The following IRF2BP1 variants were observed in gnomAD, a reference collection of about 807,000 sequenced individuals.
IRF2BP1 encodes the protein interferon regulatory factor 2-binding protein 1.
Under a neutral mutation model 38.6 loss-of-function variants are expected in IRF2BP1, and 9 were observed. That is an observed-to-expected ratio of 0.23 (90% CI 0.14 to 0.41). The LOEUF is 0.41. Among genes scored for constraint, IRF2BP1 ranks in the 10% least tolerant of loss-of-function variants. The pLI, the probability that IRF2BP1 is intolerant of heterozygous loss-of-function variation, is 1.00. For synonymous variants in IRF2BP1, 416 were observed against 383.4 expected (o/e 1.08, Z -0.99); for missense variants, 631 against 829.6 (o/e 0.76, Z 2.94).
Position 45,885,014 on chromosome 19 carries a change from C to T in IRF2BP1, c.761G>A (p.Gly254Glu). The change falls in exon 1 of 1, where the codon GGG becomes GAG. Residue 254 changes from glycine (G) to glutamate (E), a missense_variant. This residue lies in a region of IRF2BP1 where 133 missense variants were observed against 232.2 expected (regional missense o/e 0.57). Coordinates refer to ENST00000302165, the MANE Select transcript of IRF2BP1 (RefSeq NM_015649.3). ...AGTAGCATCGAAGGCGAACACTCGC[C>T]CCACCAGCCCGTGATCCTTCTTGAA... Reference protein sequence around the residue: ...VRFKKDHGLVGRVFAFDATAR... With the variant: ...VRFKKDHGLVERVFAFDATAR... 1 of 1,613,388 alleles carries T rather than the reference C, an allele frequency of 6.2e-7. No individual in the cohort carries two copies. Among genetic ancestry groups the T allele is most frequent in the East Asian group, 2.2e-5 (1 of 44,894 alleles).
chr19:45,883,839 A>G lies in IRF2BP1; in HGVS notation c.*181T>C. Reference sequence around the variant, plus strand: ...GACCCCAAACACCCCCTCGGACAGGAGCCACAAGCTTTCTCCCCCCACCCA... The same window carrying G: ...GACCCCAAACACCCCCTCGGACAGGGGCCACAAGCTTTCTCCCCCCACCCA... On this transcript the variant is annotated 3_prime_UTR_variant, in exon 1 of 1. Coordinates refer to ENST00000302165, the MANE Select transcript of IRF2BP1 (RefSeq NM_015649.3). 1 of 544,532 alleles carries G rather than the reference A, an allele frequency of 1.8e-6. No individual in the cohort carries two copies. Among genetic ancestry groups the G allele is most frequent in the South Asian group, 3.1e-5 (1 of 32,028 alleles). 33.7% of individuals were successfully genotyped at this position (544,532 alleles called of 1,614,324 possible). A position where few individuals can be genotyped will look rare whatever the true frequency, so the allele number is the denominator to read the frequency against.
Position 45,883,692 on chromosome 19 carries a change from G to T in IRF2BP1, c.*328C>A. ...GGTGGGAATTAAATGCTTTTGCCTC[G>T]TTTATAAAGAGCGAGTTTTCAGGAG... On this transcript the variant is annotated 3_prime_UTR_variant, in exon 1 of 1. Coordinates refer to ENST00000302165, the MANE Select transcript of IRF2BP1 (RefSeq NM_015649.3). The T allele has an allele frequency of 3.6e-6, 1 of 277,846 alleles. No individual in the cohort carries two copies. Among genetic ancestry groups the T allele is most frequent in the Non-Finnish European group, 6.8e-6 (1 of 147,808 alleles). 17.2% of individuals were successfully genotyped at this position (277,846 alleles called of 1,614,324 possible).
rs1282585232 is a variant in IRF2BP1, at chr19:45,885,618, G to T, written c.157C>A (p.Arg53Ser). Residue 53 changes from arginine to serine, a missense_variant, in exon 1 of 1, where the codon CGC (arginine) becomes AGC (serine). Physicochemically the swap from Arg to Ser is moderately radical, Grantham distance 110. Around this residue, in one of 5 missense-constraint regions of IRF2BP1, gnomAD observed 206 missense variants for 207.0 expected, o/e 1.00. Coordinates refer to ENST00000302165, the MANE Select transcript of IRF2BP1 (RefSeq NM_015649.3). ...DRIELLIDAA[R>S]QLKRSHVLPE... ...AGCACGTGGCTGCGCTTGAGCTGGC[G>T]GGCGGCATCGATGAGCAGTTCGATG... is the stretch of plus-strand genomic sequence containing the variant. The T allele has an allele frequency of 3.2e-6, 5 of 1,544,230 alleles. No homozygotes were observed.
chr19:45,884,666 G>A lies in IRF2BP1; in HGVS notation c.1109C>T (p.Pro370Leu), dbSNP rs1348217826. 1.2e-6 allele frequency: 2 copies of A among 1,602,360 alleles called. No homozygotes were observed. The highest frequency in any genetic ancestry group is 2.2e-5 in the South Asian group (2 of 90,776). Residue 370 changes from proline (P) to leucine (L), a missense_variant, in exon 1 of 1, where the codon CCA (proline) becomes CTA (leucine). Transcript: ENST00000302165. ...AALCGPPPRA[P>L]SRNLAPTPRR... ...CGGCGTGGGCGCCAGGTTCCGGGAT[G>A]GGGCTCGCGGGGGTGGGCCACAGAG...
Position 45,884,420 on chromosome 19 carries a change from G to T in IRF2BP1, c.1355C>A (p.Ala452Asp). ...GGGGPVRAGG[A>D]SPAASSTAQP... ...GGCCGTGGAGGAGGCTGCAGGGCTGGCGCCCCCTGCACGCACAGGCCCCCC... is the reference window on the plus strand; with the variant it reads ...GGCCGTGGAGGAGGCTGCAGGGCTGTCGCCCCCTGCACGCACAGGCCCCCC... Residue 452 changes from alanine to aspartate, a missense_variant, in exon 1 of 1, where the codon GCC becomes GAC. Around this residue, in one of 5 missense-constraint regions of IRF2BP1, gnomAD observed 201 missense variants for 215.3 expected, o/e 0.93. Coordinates refer to ENST00000302165, the MANE Select transcript of IRF2BP1 (RefSeq NM_015649.3). The T allele has an allele frequency of 6.3e-7, 1 of 1,599,154 alleles. No homozygotes were observed. Among genetic ancestry groups the T allele is most frequent in the Non-Finnish European group, 8.5e-7 (1 of 1,177,888 alleles).
rs1028267576 is a variant in IRF2BP1, at chr19:45,884,863, C to T, written c.912G>A (p.Pro304=). ...AGCCCGAAGAAGCCAGTGCCTTGCC[C>T]GGCTCCCGCAGAGCATCGTGGAACA... ...RQMFHDALRE[P]GKALASSGFK... is the part of the protein sequence containing the mutation. The change falls in exon 1 of 1, where the codon CCG becomes CCA. Residue 304 remains proline, a synonymous_variant. Coordinates refer to ENST00000302165, the MANE Select transcript of IRF2BP1 (RefSeq NM_015649.3). The T allele has an allele frequency of 8.1e-6, 13 of 1,612,950 alleles. No homozygotes were observed. The African/African-American group carries it at 1.6e-4, about 20-fold the overall frequency.
Position 45,885,493 on chromosome 19 carries a change from C to T in IRF2BP1, c.282G>A (p.Gln94=), listed in dbSNP as rs908299885. Residue 94 remains glutamine, a synonymous_variant, in exon 1 of 1, where the codon CAG becomes CAA. Coordinates refer to ENST00000302165, the MANE Select transcript of IRF2BP1 (RefSeq NM_015649.3). The part of the protein sequence containing the change: ...AAQGPQLPPP[Q]AQPQPSGTGG... ...CGGTCCCTGACGGCTGGGGCTGGGC[C>T]TGCGGGGGCGGCAGCTGGGGCCCCT... 3.5e-6 allele frequency: 5 copies of T among 1,445,946 alleles called. No individual in the cohort carries two copies. The highest frequency in any genetic ancestry group is 1.5e-5 in the African/African-American group (1 of 68,554). The allele number at this position is 1,445,946 out of a possible 1,614,324, so 89.6% of individuals were successfully genotyped here.
chr19:45,885,377 C>A lies in IRF2BP1; in HGVS notation c.398G>T (p.Gly133Val). 1 of 1,608,470 alleles carries A rather than the reference C, an allele frequency of 6.2e-7. No homozygotes were observed. The highest frequency in any genetic ancestry group is 8.5e-7 in the Non-Finnish European group (1 of 1,179,080). The change falls in exon 1 of 1, where the codon GGG (glycine) becomes GTG (valine). Residue 133 changes from glycine (G) to valine (V), a missense_variant. Around this residue, in one of 5 missense-constraint regions of IRF2BP1, gnomAD observed 206 missense variants for 207.0 expected, o/e 1.00. Transcript: ENST00000302165. ...LPSPALEYTL[G>V]SRLANGLGRE... ...GCCCAGCCCATTGGCCAGGCGGGAC[C>A]CCAGAGTGTACTCCAGGGCGGGCGA...
Position 45,884,926 on chromosome 19 carries a change from G to T in IRF2BP1, c.849C>A (p.Gly283=). The T allele has an allele frequency of 6.2e-7, 1 of 1,613,388 alleles. No homozygotes were observed. Residue 283 remains glycine, a synonymous_variant, in exon 1 of 1, where the codon GGC becomes GGA. Transcript: ENST00000302165. ...CTGCCAGGACGCCGGCGTACACATT[G>T]CCGGAACCACAGGGGTATTCGGTGA... is the stretch of plus-strand genomic sequence containing the variant. ...KLFTEYPCGS[G]NVYAGVLAVA...
Position 45,884,138 on chromosome 19 carries a change from C to G in IRF2BP1, c.1637G>C (p.Cys546Ser), listed in dbSNP as rs1247991441. The G allele has an allele frequency of 6.2e-7, 1 of 1,613,306 alleles. No homozygotes were observed. Among genetic ancestry groups the G allele is most frequent in the Non-Finnish European group, 8.5e-7 (1 of 1,179,896 alleles). ...KAQGPAGEVY[C>S]PSGDKCPLVG... ...CAGCGGGCACTTGTCTCCGCTCGGG[C>G]AGTACACCTCCCCGGCCGGGCCCTG... The change falls in exon 1 of 1, where the codon TGC (cysteine) becomes TCC (serine). Residue 546 changes from cysteine to serine, a missense_variant. By Grantham distance (112) the Cys-to-Ser change is moderately radical. Transcript: ENST00000302165.
chr19:45,885,340 G>A lies in IRF2BP1; in HGVS notation c.435C>T (p.Ala145=), dbSNP rs1178315850. Residue 145 remains alanine (A), a synonymous_variant, in exon 1 of 1, where the codon GCC becomes GCT. Transcript: ENST00000302165. ...AGGCCCTTCGCGCCCCCTCAGCCAC[G>A]GCCTCCTCACGGCCCAGCCCATTGG... The part of the protein sequence containing the change: ...RLANGLGREE[A]VAEGARRALL... 2 of 1,607,698 alleles carry A rather than the reference G, an allele frequency of 1.2e-6. No homozygotes were observed. Among genetic ancestry groups the A allele is most frequent in the Non-Finnish European group, 1.7e-6 (2 of 1,179,726 alleles).
In IRF2BP1 at chr19:45,884,979, G is replaced by A; in HGVS notation, c.796C>T (p.Pro266Ser). Residue 266 changes from proline (P) to serine (S), a missense_variant, in exon 1 of 1, where the codon CCA becomes TCA. Physicochemically the swap from Pro to Ser is moderately conservative, Grantham distance 74. Around this residue, in one of 5 missense-constraint regions of IRF2BP1, gnomAD observed 133 missense variants for 232.2 expected, o/e 0.57. Coordinates refer to ENST00000302165, the MANE Select transcript of IRF2BP1 (RefSeq NM_015649.3). Reference sequence around the variant, plus strand: ...AGCTTCAGCTCGAACTCGTATCCTGGAGGACGGGCAGTAGCATCGAAGGCG... The same window carrying A: ...AGCTTCAGCTCGAACTCGTATCCTGAAGGACGGGCAGTAGCATCGAAGGCG... Reference protein sequence around the residue: ...VFAFDATARPPGYEFELKLFT... With the variant: ...VFAFDATARPSGYEFELKLFT... 6.2e-7 allele frequency: 1 copy of A among 1,613,494 alleles called. No homozygotes were observed. The highest frequency in any genetic ancestry group is 8.5e-7 in the Non-Finnish European group (1 of 1,180,046).
Position 45,886,102 on chromosome 19 carries a change from CGCT to C in IRF2BP1, c.-331_-329del. 1 of 214,086 alleles carries C rather than the reference CGCT, an allele frequency of 4.7e-6. No individual in the cohort carries two copies. Among genetic ancestry groups the C allele is most frequent in the Non-Finnish European group, 9.2e-6 (1 of 108,564 alleles). 13.3% of individuals were successfully genotyped at this position (214,086 alleles called of 1,614,324 possible). On this transcript the variant is annotated 5_prime_UTR_variant, in exon 1 of 1. Coordinates refer to ENST00000302165, the MANE Select transcript of IRF2BP1 (RefSeq NM_015649.3). ...GGGCTCCCGCCGCTCTCGCCGCCGC[CGCT>C]GCAACGGCCGCCGCCGCCTCCACCT... is the stretch of plus-strand genomic sequence containing the variant.
Position 45,885,448 on chromosome 19 carries a change from C to T in IRF2BP1, c.327G>A (p.Gln109=), listed in dbSNP as rs765993733. ...PSGTGGGVSG[Q]DRYDRATSSG... ...ATGATGTGGCCCTGTCATAGCGGTC[C>T]TGGCCCGACACGCCGCCGCCGGTCC... The change falls in exon 1 of 1, where the codon CAG becomes CAA. Residue 109 remains glutamine (Q), a synonymous_variant. Coordinates refer to ENST00000302165, the MANE Select transcript of IRF2BP1 (RefSeq NM_015649.3). 2 of 1,512,426 alleles carry T rather than the reference C, an allele frequency of 1.3e-6. No individual in the cohort carries two copies. Among genetic ancestry groups the T allele is most frequent in the Non-Finnish European group, 1.8e-6 (2 of 1,134,800 alleles). 93.7% of individuals were successfully genotyped at this position (1,512,426 alleles called of 1,614,324 possible). A position where few individuals can be genotyped will look rare whatever the true frequency, so the allele number is the denominator to read the frequency against.
rs1347003883 is a variant in IRF2BP1 at position 45,886,079 on chromosome 19, G to A, written c.-305C>T. 13 of 240,554 alleles carry A rather than the reference G, an allele frequency of 5.4e-5. No individual in the cohort carries two copies. Among genetic ancestry groups the A allele is most frequent in the Non-Finnish European group, 5.6e-5 (7 of 125,286 alleles). 14.9% of individuals were successfully genotyped at this position (240,554 alleles called of 1,614,324 possible). ...TGGGCCGCGAGCGCCGCCGCCTCGG[G>A]CTCCCGCCGCTCTCGCCGCCGCCGC... On this transcript the variant is annotated 5_prime_UTR_variant, in exon 1 of 1. Coordinates refer to ENST00000302165, the MANE Select transcript of IRF2BP1 (RefSeq NM_015649.3).
rs868298863 is a variant in IRF2BP1 at position 45,884,917 on chromosome 19, G to A, written c.858C>T (p.Tyr286=). 2 of 1,613,338 alleles carry A rather than the reference G, an allele frequency of 1.2e-6. No individual in the cohort carries two copies. The highest frequency in any genetic ancestry group is 2.7e-5 in the African/African-American group (2 of 75,060). ...GGCGAGCCACTGCCAGGACGCCGGC[G>A]TACACATTGCCGGAACCACAGGGGT... ...TEYPCGSGNV[Y]AGVLAVARQM... The change falls in exon 1 of 1, where the codon TAC becomes TAT. Residue 286 remains tyrosine, a synonymous_variant. Transcript: ENST00000302165.
chr19:45,884,855 G>A lies in IRF2BP1; in HGVS notation c.920C>T (p.Ala307Val), dbSNP rs760018689. The A allele has an allele frequency of 1.9e-6, 3 of 1,612,942 alleles. No individual in the cohort carries two copies. The highest frequency in any genetic ancestry group is 2.5e-6 in the Non-Finnish European group (3 of 1,180,046). The change falls in exon 1 of 1, where the codon GCA becomes GTA. Residue 307 changes from alanine to valine, a missense_variant. Ala to Val is a moderately conservative substitution (Grantham distance 64). Coordinates refer to ENST00000302165, the MANE Select transcript of IRF2BP1 (RefSeq NM_015649.3). ...FHDALREPGK[A>V]LASSGFKYLE... The stretch of plus-strand genomic sequence containing the variant: ...GTACTTGAAGCCCGAAGAAGCCAGT[G>A]CCTTGCCCGGCTCCCGCAGAGCATC...
Position 45,884,586 on chromosome 19 carries a change from T to C in IRF2BP1, c.1189A>G (p.Thr397Ala). The C allele has an allele frequency of 6.3e-7, 1 of 1,599,274 alleles. No individual in the cohort carries two copies. Among genetic ancestry groups the C allele is most frequent in the Non-Finnish European group, 8.5e-7 (1 of 1,179,334 alleles). Residue 397 changes from threonine (T) to alanine (A), a missense_variant, in exon 1 of 1, where the codon ACC becomes GCC. Physicochemically the swap from Thr to Ala is moderately conservative, Grantham distance 58. Around this residue, in one of 5 missense-constraint regions of IRF2BP1, gnomAD observed 201 missense variants for 215.3 expected, o/e 0.93. Coordinates refer to ENST00000302165, the MANE Select transcript of IRF2BP1 (RefSeq NM_015649.3). ...CAGTGCCGTTGCTGCTGCTCCTCGG[T>C]GGTCATCTTCCCAGCCGCCTCGCCC... ...PEGEAAGKMTTEEQQQRHWVA... is the reference protein window; with the variant it reads ...PEGEAAGKMTAEEQQQRHWVA...
rs2146369463 is a variant in IRF2BP1 at position 45,885,382 on chromosome 19, A to T, written c.393T>A (p.Thr131=). 1.1e-5 allele frequency: 17 copies of T among 1,607,474 alleles called. No individual in the cohort carries two copies. Among genetic ancestry groups the T allele is most frequent in the Non-Finnish European group, 1.4e-5 (17 of 1,178,386 alleles). Residue 131 remains threonine, a synonymous_variant, in exon 1 of 1, where the codon ACT becomes ACA. Coordinates refer to ENST00000302165, the MANE Select transcript of IRF2BP1 (RefSeq NM_015649.3). ...GCCCATTGGCCAGGCGGGACCCCAGAGTGTACTCCAGGGCGGGCGAGGGCA... is the reference window on the plus strand; with the variant it reads ...GCCCATTGGCCAGGCGGGACCCCAGTGTGTACTCCAGGGCGGGCGAGGGCA... ...LPLPSPALEY[T]LGSRLANGLG... is the part of the protein sequence containing the mutation.
Sources: gnomAD v4.1 joint callset for allele counts on GRCh38, gnomAD v4.1.1 for gene constraint, gnomAD v4.1.1 regional missense constraint, MANE v1.5 for transcripts, NCBI Gene and HGNC (gene_info 2026-07-23, HGNC 2026-07-21) for gene names.